Variants in KCNQ5 observed in about 807,000 individuals in gnomAD.
KCNQ5 encodes potassium voltage-gated channel subfamily Q member 5.
Under a neutral mutation model 98.2 loss-of-function variants are expected in KCNQ5, and 30 were observed. The ratio of observed to expected loss-of-function variants is 0.31; its 90% confidence interval spans 0.23 to 0.41. KCNQ5 has a LOEUF of 0.41. Ranked by LOEUF, KCNQ5 falls within the 10% of genes least tolerant of loss-of-function variation. The pLI is 1.00. For synonymous variants in KCNQ5, 458 were observed against 449.4 expected, an observed-to-expected ratio of 1.02 and a Z score of -0.24; for missense variants, 835 against 1,182.5, an observed-to-expected ratio of 0.71 and a Z score of 4.31.
At chr6:72,660,266 A>G (rs1227772836) in intron 1 of KCNQ5, among the ~76,000 whole-genome samples, 2 of 152,218 alleles carry the variant, frequency 1.3e-5, no homozygotes, top group Non-Finnish European at 2.9e-5. Context: ...AAACTGAGCT[A>G]TAGAAAGATT....
intron 1 of KCNQ5, among the ~76,000 whole-genome samples, chr6:72,719,773 T>A (rs1309689174): frequency 1.3e-5 from 2 of 152,164 alleles, no homozygotes; most frequent in Non-Finnish European, 2.9e-5. Context: ...GCAGTGTCAC[T>A]CTCTCAGCAC....
At chr6:73,104,700 A>G (rs1466857788) in intron 5 of KCNQ5, among the ~76,000 whole-genome samples, 1 of 152,172 alleles carries the variant, frequency 6.6e-6, no homozygotes, top group Non-Finnish European at 1.5e-5. Context: ...TTGAATTCCC[A>G]TAGCAGGTTA....
At chr6:73,083,174 G>A (rs562253665) in intron 5 of KCNQ5, among the ~76,000 whole-genome samples, 5 of 152,240 alleles carry the variant, frequency 3.3e-5, no homozygotes, top group South Asian at 2.1e-4. Flanking sequence ...GATTACAGGC[G>A]TGAGCCACTG....
At position 72,779,394 on chromosome 6, in the gene KCNQ5, G is replaced by A. The variant is rs1773336026; in HGVS notation, c.398+156807G>A. 2.0e-5 allele frequency among the ~76,000 whole-genome samples: 3 copies of A among 152,314 alleles called. No homozygotes were observed. In the South Asian group the frequency reaches 6.2e-4, roughly 32 times the overall value. On this transcript the variant is annotated intron_variant, in intron 1 of 13. Coordinates refer to ENST00000370398, the MANE Select transcript of KCNQ5 (RefSeq NM_019842.4). The stretch of plus-strand genomic sequence containing the variant: ...CATAAATGAATATGTAGACAAGTTT[G>A]TGAGAATGTGTGTATGTCTCTCAGA...
rs753499398 is a variant in KCNQ5, at chr6:73,194,669, C to G, written c.2054C>G (p.Ser685Trp). 1 of 1,614,126 alleles carries G rather than the reference C, an allele frequency of 6.2e-7. No individual in the cohort carries two copies. The highest frequency in any genetic ancestry group is 8.5e-7 in the Non-Finnish European group (1 of 1,180,046). Residue 685 changes from serine (S) to tryptophan (W), a missense_variant, in exon 14 of 14, where the codon TCG (serine) becomes TGG (tryptophan). This residue lies in a region of KCNQ5 where 416 missense variants were observed against 446.9 expected (regional missense o/e 0.93). Coordinates refer to ENST00000370398, the MANE Select transcript of KCNQ5 (RefSeq NM_019842.4). Reference protein sequence around the residue: ...CLSRSTSANISRGLQFILTPN... With the variant: ...CLSRSTSANIWRGLQFILTPN... ...TCCAGATCAACTAGTGCCAACATCT[C>G]GAGAGGCCTGCAGTTCATTCTGACG...
At chr6:72,661,789 A>G (rs367875082) in intron 1 of KCNQ5, among the ~76,000 whole-genome samples, 11 of 152,144 alleles carry the variant, frequency 7.2e-5, no homozygotes, top group East Asian at 3.8e-4. Context: ...ATGGGTTCAT[A>G]TATGTAAAGC....
At chr6:72,806,667 GC>G (rs1472577093) in intron 1 of KCNQ5, among the ~76,000 whole-genome samples, 1 of 151,948 alleles carries the variant, frequency 6.6e-6, no homozygotes, top group African/African-American at 2.4e-5. Flanking sequence ...CAAGATGTTG[GC>G]CCAATATTCC....
At chr6:72,927,414 T>A (rs1301259658) in intron 1 of KCNQ5, among the ~76,000 whole-genome samples, 2 of 152,150 alleles carry the variant, frequency 1.3e-5, no homozygotes, top group Non-Finnish European at 2.9e-5. Context: ...TCTCTTATTT[T>A]GTGATGAATT....
At chr6:73,041,583 T>C (rs1771705411) in intron 2 of KCNQ5, among the ~76,000 whole-genome samples, 1 of 152,214 alleles carries the variant, frequency 6.6e-6, no homozygotes, top group Admixed American at 6.5e-5. Context: ...CGCTATTTTA[T>C]TTCAGATATT....
chr6:73,167,391 C>T (rs773222981), intron 10 of KCNQ5, among the ~76,000 whole-genome samples: 6 of 152,168 alleles, frequency 3.9e-5, no homozygotes, highest in Non-Finnish European at 5.9e-5. Flanking sequence ...TCTGATACTG[C>T]GTAATGCAAT....
At chr6:73,089,175 G>T (rs973886410) in intron 5 of KCNQ5, among the ~76,000 whole-genome samples, 6 of 152,166 alleles carry the variant, frequency 3.9e-5, no homozygotes, top group African/African-American at 1.4e-4. Context: ...TCAGCAGTAA[G>T]ATAAAGTCCC....
intron 1 of KCNQ5, among the ~76,000 whole-genome samples, chr6:72,784,091 C>G (rs1407113022): frequency 6.6e-6 from 1 of 152,182 alleles, no homozygotes; most frequent in African/African-American, 2.4e-5. Flanking sequence ...CCTCTGGTGG[C>G]AATCTCATCC....
At chr6:73,118,900 A>G (rs192910485) in intron 7 of KCNQ5, among the ~76,000 whole-genome samples, 13 of 152,312 alleles carry the variant, frequency 8.5e-5, no homozygotes, top group Admixed American at 8.5e-4. Context: ...GCGTGCCTGT[A>G]GTCCCAGCTA....
intron 1 of KCNQ5, among the ~76,000 whole-genome samples, chr6:72,841,846 C>A (rs1015270836): frequency 2.0e-5 from 3 of 152,080 alleles, no homozygotes; most frequent in Non-Finnish European, 2.9e-5. Flanking sequence ...TATTAAGAAA[C>A]ATTTGAGGAA....
chr6:72,938,600 G>T (rs1582050106), intron 1 of KCNQ5, among the ~76,000 whole-genome samples: 1 of 151,928 alleles, frequency 6.6e-6, no homozygotes, highest in Admixed American at 6.6e-5. Flanking sequence ...GGTTAGGCTG[G>T]TCTCAAACTC....
At chr6:72,747,800 C>G (rs1771479896) in intron 1 of KCNQ5, among the ~76,000 whole-genome samples, 1 of 152,050 alleles carries the variant, frequency 6.6e-6, no homozygotes, top group African/African-American at 2.4e-5. Flanking sequence ...AAAATGCTGT[C>G]CTCTGTAAGA....
At position 72,938,374 on chromosome 6, in the gene KCNQ5, T is replaced by C. The variant is rs890842293; in HGVS notation, c.399-65534T>C. Among the ~76,000 whole-genome samples, 4 of 152,230 alleles carry C rather than the reference T, an allele frequency of 2.6e-5. No individual in the cohort carries two copies. The East Asian group carries it at 7.7e-4, about 29-fold the overall frequency. On this transcript the variant is annotated intron_variant, in intron 1 of 13. Coordinates refer to ENST00000370398, the MANE Select transcript of KCNQ5 (RefSeq NM_019842.4). ...TAAATGTACTAATATCATAAAATTG[T>C]ACGTTTATTTATTTATTTTTCTTGA...
rs1773110001 is a variant in KCNQ5, at chr6:72,775,363, T to A, written c.398+152776T>A. ...TTGTTCTCCTTTTATTTCTATTTAA[T>A]GTAAATTTGGTGTTTCAAAAATAAC... On this transcript the variant is annotated intron_variant, in intron 1 of 13. Transcript: ENST00000370398. Among the ~76,000 whole-genome samples the A allele has an allele frequency of 2.6e-5, 4 of 152,230 alleles. 1 individual carries two copies. The South Asian group carries it at 8.3e-4, about 31-fold the overall frequency.
At chr6:72,936,984 C>T (rs556669283) in intron 1 of KCNQ5, among the ~76,000 whole-genome samples, 4 of 152,236 alleles carry the variant, frequency 2.6e-5, no homozygotes, top group South Asian at 2.1e-4. Context: ...GATAGAACTG[C>T]GGCTGTAACT....
Sources: gnomAD v4.1 joint callset for allele counts (sites outside exome capture counted in the v4.1 genomes callset) on GRCh38, gnomAD v4.1.1 for gene constraint, gnomAD v4.1.1 regional missense constraint, MANE v1.5 for transcripts, NCBI Gene and HGNC (gene_info 2026-07-23, HGNC 2026-07-21) for gene names.